Variants in DLG2 observed in about 807,000 individuals in gnomAD.
DLG2 encodes disks large homolog 2.
A neutral mutation model predicts 132.5 loss-of-function variants in DLG2; 45 were observed. The observed-to-expected ratio is 0.34, with a 90% CI of 0.27 to 0.44. DLG2 has a LOEUF of 0.44. Ranked by LOEUF, DLG2 falls within the 20% of genes least tolerant of loss-of-function variation. DLG2 has a pLI of 1.00. For synonymous variants in DLG2, 424 were observed against 419.6 expected (o/e 1.01, Z -0.13); for missense variants, 1,045 against 1,196.9 (o/e 0.87, Z 1.87).
intron 6 of DLG2, among the ~76,000 whole-genome samples, chr11:84,799,831 G>A (rs947951923): frequency 6.6e-6 from 1 of 152,082 alleles, no homozygotes; most frequent in African/African-American, 2.4e-5. Flanking sequence ...TCTAACTTTG[G>A]TCTCTAAGTG....
At chr11:85,442,492 A>G (rs2091830612) in intron 3 of DLG2, among the ~76,000 whole-genome samples, 1 of 152,214 alleles carries the variant, frequency 6.6e-6, no homozygotes, top group Admixed American at 6.5e-5. Flanking sequence ...TTAGCATGAG[A>G]AACCTCGGTA....
chr11:84,437,506 C>A (rs1446054189), intron 7 of DLG2: 2 of 152,082 alleles, frequency 1.3e-5, no homozygotes, highest in African/African-American at 4.8e-5. Context: ...AGCTGCCGCA[C>A]AATCAACTTC....
intron 18 of DLG2, among the ~76,000 whole-genome samples, chr11:83,668,597 T>C (rs537634462): frequency 1.6e-4 from 24 of 151,522 alleles, no homozygotes; most frequent in African/African-American, 4.8e-4. Context: ...TAAATTACAA[T>C]AAAATGGAAG....
intron 6 of DLG2, among the ~76,000 whole-genome samples, chr11:84,648,986 A>T (rs950062227): frequency 6.6e-6 from 1 of 151,930 alleles, no homozygotes. Flanking sequence ...ATGATTTATT[A>T]TTTTTTTTCT....
At chr11:83,657,709 T>C (rs1033001120) in intron 18 of DLG2, among the ~76,000 whole-genome samples, 7 of 151,888 alleles carry the variant, frequency 4.6e-5, no homozygotes, top group Non-Finnish European at 7.4e-5. Flanking sequence ...TGGCTAATTT[T>C]TTTTGTATTT....
chr11:83,733,068 C>T (rs1012914284), intron 18 of DLG2, among the ~76,000 whole-genome samples: 3 of 151,694 alleles, frequency 2.0e-5, no homozygotes, highest in Admixed American at 1.3e-4. Context: ...ATGGTGAAAC[C>T]CCATCTCTGC....
intron 3 of DLG2, among the ~76,000 whole-genome samples, chr11:85,517,080 A>T (rs1390282198): frequency 6.6e-6 from 1 of 152,160 alleles, no homozygotes; most frequent in African/African-American, 2.4e-5. Context: ...GTACACCATG[A>T]TCAAGTAGGG....
At chr11:85,414,981 G>C (rs1214519779) in intron 3 of DLG2, among the ~76,000 whole-genome samples, 1 of 151,976 alleles carries the variant, frequency 6.6e-6, no homozygotes, top group African/African-American at 2.4e-5. Flanking sequence ...ATCTACATGA[G>C]GTATTTCTCT....
At chr11:84,392,860 C>T (rs531239941) in intron 7 of DLG2, among the ~76,000 whole-genome samples, 5 of 152,280 alleles carry the variant, frequency 3.3e-5, no homozygotes, top group South Asian at 2.1e-4. Context: ...GAGCCATGTT[C>T]TTCACCCTTC....
chr11:85,381,641 T>G (rs1373541253), intron 3 of DLG2, among the ~76,000 whole-genome samples: 1 of 152,124 alleles, frequency 6.6e-6, no homozygotes, highest in Non-Finnish European at 1.5e-5. Context: ...TTGGAACTAA[T>G]AAATGAGTTC....
At chr11:85,169,069 C>T (rs1370911929) in intron 4 of DLG2, among the ~76,000 whole-genome samples, 1 of 152,090 alleles carries the variant, frequency 6.6e-6, no homozygotes, top group African/African-American at 2.4e-5. Context: ...GTAGTATTTG[C>T]ATATAACCTA....
At chr11:85,266,437 C>T (rs920532507) in intron 4 of DLG2, among the ~76,000 whole-genome samples, 1 of 152,040 alleles carries the variant, frequency 6.6e-6, no homozygotes, top group Non-Finnish European at 1.5e-5. Context: ...GGGAGGGGAA[C>T]ATCACACAGT....
chr11:84,287,152 T>C (rs2097917786), intron 7 of DLG2, among the ~76,000 whole-genome samples: 1 of 152,214 alleles, frequency 6.6e-6, no homozygotes, highest in South Asian at 2.1e-4. Context: ...CATGTACATA[T>C]TTCTATTTCT....
At chr11:85,324,471 C>T (rs904569766) in intron 3 of DLG2, among the ~76,000 whole-genome samples, 2 of 151,998 alleles carry the variant, frequency 1.3e-5, no homozygotes, top group Non-Finnish European at 2.9e-5. Context: ...ATCAAAAATT[C>T]GGGAAAGACT....
intron 25 of DLG2, among the ~76,000 whole-genome samples, chr11:83,467,724 TG>T (rs1286439235): frequency 6.9e-6 from 1 of 145,062 alleles, no homozygotes; most frequent in African/African-American, 2.5e-5. Context: ...CATTCCAGCC[TG>T]GGCAATAAGA....
intron 4 of DLG2, among the ~76,000 whole-genome samples, chr11:85,217,318 T>TTACA (rs2082684962): frequency 6.9e-6 from 1 of 143,930 alleles, no homozygotes; most frequent in Admixed American, 7.0e-5. Context: ...TCTCTCTCTC[T>TTACA]CACACACACA....
chr11:84,883,441 G>A lies in DLG2; in HGVS notation c.357+228220C>T, dbSNP rs544592653. ...TTATACCTGTATAACAAACCAGCAC[G>A]TTCTGCACATGTATCCCACAAAAGT... On this transcript the variant is annotated intron_variant, in intron 6 of 27. Coordinates refer to ENST00000376104, the MANE Select transcript of DLG2 (RefSeq NM_001142699.3). 5.9e-5 allele frequency among the ~76,000 whole-genome samples: 9 copies of A among 151,720 alleles called. No homozygotes were observed. In the South Asian group the frequency reaches 1.3e-3, roughly 21 times the overall value.
intron 18 of DLG2, among the ~76,000 whole-genome samples, chr11:83,768,973 A>T (rs115784917): frequency 0.018 from 2,722 of 152,298 alleles, 83 homozygotes; most frequent in African/African-American, 0.062. Flanking sequence ...TTATTCTATC[A>T]TTCACAAAAT....
chr11:83,693,690 G>A (rs2081385977), intron 18 of DLG2: 1 of 152,220 alleles, frequency 6.6e-6, no homozygotes. Flanking sequence ...CTCTCCGGGT[G>A]AATAATGCCA....
Sources: allele counts gnomAD v4.1 joint callset (sites outside exome capture counted in the v4.1 genomes callset), GRCh38; gene constraint gnomAD v4.1.1; transcripts MANE v1.5; gene names NCBI Gene and HGNC (gene_info 2026-07-23, HGNC 2026-07-21).